The following GREB1L variants were observed in gnomAD, a reference collection of about 807,000 sequenced individuals.
GREB1L encodes the protein GREB1 like retinoic acid receptor coactivator.
GREB1L carries 17 observed loss-of-function variants against 200.8 expected under a neutral mutation model. The ratio of observed to expected loss-of-function variants is 0.08; its 90% CI spans 0.06 to 0.13. GREB1L has a LOEUF of 0.13. Among genes scored for constraint, GREB1L ranks in the 10% least tolerant of loss-of-function variants. The pLI, the probability that GREB1L is intolerant of heterozygous loss-of-function variation, is 1.00. For synonymous variants in GREB1L, 789 were observed against 893.0 expected (o/e 0.88, Z 2.08); for missense variants, 1,657 against 2,367.7 (o/e 0.70, Z 6.23).
intron 1 of GREB1L, among the ~76,000 whole-genome samples, chr18:21,308,640 T>G (rs1363445311): frequency 1.3e-5 from 2 of 152,190 alleles, no homozygotes; most frequent in East Asian, 1.9e-4. Context: ...TCACTCTCAC[T>G]CCGTGATTTA....
At chr18:21,337,996 GA>G (rs780548578) in intron 1 of GREB1L, among the ~76,000 whole-genome samples, 1 of 151,730 alleles carries the variant, frequency 6.6e-6, no homozygotes, top group Non-Finnish European at 1.5e-5. Flanking sequence ...CAAAAAAAAA[GA>G]AAAAAAATTC....
chr18:21,515,387 T>C (rs2146090045), intron 28 of GREB1L, 30 bp from the exon 29 acceptor site: 1 of 1,421,368 alleles, frequency 7.0e-7, no homozygotes, highest in Non-Finnish European at 9.7e-7. Context: ...GTAATATTTA[T>C]CAACATCTTA....
chr18:21,505,154 G>A (rs929517509), intron 23 of GREB1L, among the ~76,000 whole-genome samples: 3 of 152,182 alleles, frequency 2.0e-5, no homozygotes, highest in Admixed American at 2.0e-4. Context: ...TGGCCTGGTG[G>A]AGACTAGGTT....
At chr18:21,433,189 G>A (rs548249537) in intron 7 of GREB1L, among the ~76,000 whole-genome samples, 33 of 152,154 alleles carry the variant, frequency 2.2e-4, no homozygotes, top group African/African-American at 8.0e-4. Context: ...TCATGTAGTT[G>A]CATACATTTC....
rs1484801507 is a variant in GREB1L, at chr18:21,332,326, T to C, written c.-119-33701T>C. Among the ~76,000 whole-genome samples the C allele has an allele frequency of 1.4e-4, 22 of 152,332 alleles. No individual in the cohort carries two copies. In the East Asian group the frequency reaches 4.1e-3, roughly 28 times the overall value. On this transcript the variant is annotated intron_variant, in intron 1 of 32. Coordinates refer to ENST00000424526, the MANE Select transcript of GREB1L (RefSeq NM_001142966.3). Reference sequence around the variant, plus strand: ...ACTTTTTATACAAATGGAGTCTCTTTCTTTCAGGTAAGTTATGTTATCTCT... The same window carrying C: ...ACTTTTTATACAAATGGAGTCTCTTCCTTTCAGGTAAGTTATGTTATCTCT...
At position 21,524,732 on chromosome 18, in the gene GREB1L, ATCAGATGCAGGTAC is replaced by A. The variant is rs1568085353; in HGVS notation, c.*1914_*1927del. 1.3e-5 allele frequency: 2 copies of A among 152,198 alleles called. No homozygotes were observed. The highest frequency in any genetic ancestry group is 4.8e-5 in the African/African-American group (2 of 41,546). 9.4% of individuals were successfully genotyped at this position (152,198 alleles called of 1,614,324 possible). A position where few individuals can be genotyped will look rare whatever the true frequency, so the allele number is the denominator to read the frequency against. On this transcript the variant is annotated 3_prime_UTR_variant, in exon 33 of 33. Transcript: ENST00000424526. ...AAGAACTTTTTTTTTAAGTAGTTACATCAGATGCAGGTACTCCATTAGTTAGGGCTGCACTCTGA... is the reference window on the plus strand; with the variant it reads ...AAGAACTTTTTTTTTAAGTAGTTACATCCATTAGTTAGGGCTGCACTCTGA...
chr18:21,493,918 A>C (rs2036445251), intron 19 of GREB1L, among the ~76,000 whole-genome samples: 1 of 136,156 alleles, frequency 7.3e-6, no homozygotes, highest in African/African-American at 2.6e-5. Context: ...AAACATTTTA[A>C]CTCTTATTCC....
In GREB1L at chr18:21,307,402, T is replaced by C. The variant is rs73422061; in HGVS notation, c.-119-58625T>C. 7.5e-3 allele frequency among the ~76,000 whole-genome samples: 1,149 copies of C among 152,322 alleles called. 19 individuals carry two copies. Among genetic ancestry groups the C allele is most frequent in the African/African-American group, 0.027 (1,106 of 41,554 alleles). On this transcript the variant is annotated intron_variant, in intron 1 of 32. Coordinates refer to ENST00000424526, the MANE Select transcript of GREB1L (RefSeq NM_001142966.3). ...TATTTGAATATAACTTTCTTCTTAATTGGGATCTGATTTTTGTCCTGGATG... is the reference window on the plus strand; with the variant it reads ...TATTTGAATATAACTTTCTTCTTAACTGGGATCTGATTTTTGTCCTGGATG...
At chr18:21,426,110 G>A (rs576875534) in intron 7 of GREB1L, among the ~76,000 whole-genome samples, 45 of 148,958 alleles carry the variant, frequency 3.0e-4, no homozygotes, top group Non-Finnish European at 5.9e-4. Context: ...AGGTTGGAGT[G>A]CAGTGGCTCG....
chr18:21,385,011 C>T (rs1404523716), intron 4 of GREB1L, among the ~76,000 whole-genome samples: 2 of 152,110 alleles, frequency 1.3e-5, no homozygotes, highest in African/African-American at 4.8e-5. Context: ...ACAAGAAAAT[C>T]CTAGTATAAA....
At position 21,515,565 on chromosome 18, in the gene GREB1L, C is replaced by T. The variant is rs987094905; in HGVS notation, c.5050C>T (p.Pro1684Ser). 1.4e-5 allele frequency: 22 copies of T among 1,551,498 alleles called. No individual in the cohort carries two copies. Among genetic ancestry groups the T allele is most frequent in the Non-Finnish European group, 1.9e-5 (22 of 1,146,972 alleles). The change falls in exon 29 of 33, where the codon CCA becomes TCA. Residue 1684 changes from proline to serine, a missense_variant. By Grantham distance (74) the Pro-to-Ser change is moderately conservative. Transcript: ENST00000424526. ...GCTGACTTCTCAGAGCCTAAAGGCC[C>T]CATTCTCTAGGTGTCACGTGCATGA... Reference protein sequence around the residue: ...SKLTSQSLKAPFSRCHVHDFI... With the variant: ...SKLTSQSLKASFSRCHVHDFI...
intron 10 of GREB1L, among the ~76,000 whole-genome samples, chr18:21,441,740 A>C (rs1389379307): frequency 6.6e-6 from 1 of 152,196 alleles, no homozygotes; most frequent in Non-Finnish European, 1.5e-5. Context: ...CTCAAGGAGC[A>C]CTGTTTAGTG....
Position 21,321,527 on chromosome 18 carries a change from ATACAAAAAAATTAGCTGGGCATGGT to A in GREB1L, c.-119-44499_-119-44475del, listed in dbSNP as rs1399837776. ...TAGAGAAACCCCGTCTCTACTAAAA[ATACAAAAAAATTAGCTGGGCATGGT>A]GGCGGGCACCTGTAATCCCAGCTAC... On this transcript the variant is annotated intron_variant, in intron 1 of 32. Transcript: ENST00000424526. Among the ~76,000 whole-genome samples, 7 of 151,994 alleles carry A rather than the reference ATACAAAAAAATTAGCTGGGCATGGT, an allele frequency of 4.6e-5. No individual in the cohort carries two copies. The South Asian group carries it at 6.2e-4, about 14-fold the overall frequency.
At chr18:21,378,153 G>A (rs2040152576) in intron 2 of GREB1L, among the ~76,000 whole-genome samples, 1 of 152,144 alleles carries the variant, frequency 6.6e-6, no homozygotes, top group Non-Finnish European at 1.5e-5. Flanking sequence ...TCAGGCATGG[G>A]GGCTCTTTGA....
intron 7 of GREB1L, among the ~76,000 whole-genome samples, chr18:21,411,080 A>G (rs1196896847): frequency 1.3e-5 from 2 of 152,242 alleles, no homozygotes; most frequent in Admixed American, 1.3e-4. Context: ...CAAGTTGGCA[A>G]TAAATACATG....
At chr18:21,252,631 G>C (rs529283870) in intron 1 of GREB1L, among the ~76,000 whole-genome samples, 2 of 151,762 alleles carry the variant, frequency 1.3e-5, no homozygotes, top group Non-Finnish European at 2.9e-5. Context: ...ACTTTGGGAG[G>C]CCGAGGTGGG....
At chr18:21,446,617 A>G (rs1705221110) in intron 11 of GREB1L, among the ~76,000 whole-genome samples, 1 of 152,150 alleles carries the variant, frequency 6.6e-6, no homozygotes, top group South Asian at 2.1e-4. Flanking sequence ...AGACATCTCT[A>G]TCCCTCAACA....
chr18:21,242,667 C>T (rs2037519640), intron 1 of GREB1L, among the ~76,000 whole-genome samples: 2 of 152,290 alleles, frequency 1.3e-5, no homozygotes, highest in South Asian at 2.1e-4. Context: ...GGGACCCGGC[C>T]GTGCTGTCCG....
intron 1 of GREB1L, chr18:21,363,707 G>A (rs1193016144): frequency 1.3e-5 from 2 of 152,148 alleles, no homozygotes; most frequent in Non-Finnish European, 2.9e-5. Context: ...GGTCTGCAGA[G>A]GGGACAGACA....
Sources: allele counts gnomAD v4.1 joint callset (sites outside exome capture counted in the v4.1 genomes callset), GRCh38; gene constraint gnomAD v4.1.1; transcripts MANE v1.5; gene names NCBI Gene and HGNC (gene_info 2026-07-23, HGNC 2026-07-21).